DGKH: variants seen among roughly 807,000 people sequenced by gnomAD.
The protein encoded by DGKH is diacylglycerol kinase eta.
Under a neutral mutation model 159.3 loss-of-function variants are expected in DGKH, and 90 were observed. The observed-to-expected ratio is 0.57, with a 90% CI of 0.48 to 0.67. The LOEUF is 0.67. Among genes scored for constraint, DGKH ranks in the 30% least tolerant of loss-of-function variants. The probability of loss-of-function intolerance (pLI) is 0.00; values close to 1 mark genes in which losing one functional copy is unlikely to be tolerated. For synonymous variants in DGKH, 536 were observed against 553.8 expected, an observed-to-expected ratio of 0.97 and a Z score of 0.45; for missense variants, 1,181 against 1,506.1, an observed-to-expected ratio of 0.78 and a Z score of 3.57.
At chr13:42,170,116 A>G (rs1956409402) in intron 11 of DGKH, among the ~76,000 whole-genome samples, 1 of 152,242 alleles carries the variant, frequency 6.6e-6, no homozygotes, top group African/African-American at 2.4e-5. Flanking sequence ...GACTTCCCAG[A>G]CAACTGTCCA....
intron 1 of DGKH, among the ~76,000 whole-genome samples, chr13:42,041,466 A>T (rs1880501109): frequency 6.6e-6 from 1 of 152,242 alleles, no homozygotes; most frequent in African/African-American, 2.4e-5. Context: ...GGGACGAAGC[A>T]GAAAGCTGAC....
At chr13:42,198,677 T>C (rs1957270602) in intron 18 of DGKH, 82 bp downstream of exon 18, 4 of 1,195,590 alleles carry the variant, frequency 3.3e-6, no homozygotes, top group Non-Finnish European at 4.8e-6. Flanking sequence ...ACATTTTAAA[T>C]GTATTACAAT....
At chr13:42,201,795 C>T (rs778773741) in intron 20 of DGKH, among the ~76,000 whole-genome samples, 8 of 152,104 alleles carry the variant, frequency 5.3e-5, no homozygotes, top group African/African-American at 1.2e-4. Flanking sequence ...TGTGTTTCAT[C>T]GTTACCGTAT....
upstream of DGKH, among the ~76,000 whole-genome samples, chr13:42,047,761 A>G (rs1284984819): frequency 1.3e-5 from 2 of 151,812 alleles, no homozygotes; most frequent in Non-Finnish European, 2.9e-5. Context: ...AGGACTTCCA[A>G]GGCTTTTTGT....
intron 1 of DGKH, among the ~76,000 whole-genome samples, chr13:42,083,309 G>A (rs1046567005): frequency 3.3e-5 from 5 of 152,144 alleles, no homozygotes; most frequent in African/African-American, 1.2e-4. Context: ...ATCCAGAGGG[G>A]TGGTGATGCG....
At chr13:42,045,791 T>A (rs1880764099), upstream of DGKH, among the ~76,000 whole-genome samples, 2 of 152,354 alleles carry the variant, frequency 1.3e-5, no homozygotes, top group South Asian at 4.1e-4. Flanking sequence ...TGGCGTAATA[T>A]TTAAGATAAA....
chr13:42,052,010 G>A (rs1183448036), intron 1 of DGKH, among the ~76,000 whole-genome samples: 1 of 152,122 alleles, frequency 6.6e-6, no homozygotes, highest in Non-Finnish European at 1.5e-5. Context: ...CATCTATCCT[G>A]CTTTGTCAGT....
intron 1 of DGKH, among the ~76,000 whole-genome samples, chr13:42,108,120 T>G (rs1594037550): frequency 6.6e-6 from 1 of 152,034 alleles, no homozygotes; most frequent in Admixed American, 6.6e-5. Flanking sequence ...CAGGTGGTGG[T>G]TCTGGCCCTG....
At chr13:42,103,925 T>A (rs529442343) in intron 1 of DGKH, among the ~76,000 whole-genome samples, 1 of 152,160 alleles carries the variant, frequency 6.6e-6, no homozygotes, top group South Asian at 2.1e-4. Flanking sequence ...CAAAAATGAG[T>A]GATTACGGAT....
At chr13:42,229,024 A>G in intron 29 of DGKH, 75 bp from the exon 30 acceptor site, 1 of 1,321,648 alleles carries the variant, frequency 7.6e-7, no homozygotes, top group Non-Finnish European at 1.0e-6. Flanking sequence ...CTTTTCTTTC[A>G]TTTTTAAAAT....
In DGKH at chr13:42,222,921, A is replaced by T. The variant is rs956495979; in HGVS notation, c.3573+1527A>T. Among the ~76,000 whole-genome samples the T allele has an allele frequency of 1.7e-4, 26 of 152,362 alleles. 1 individual carries two copies. The highest frequency in any genetic ancestry group is 5.8e-4 in the African/African-American group (24 of 41,588). ...AGAATGGAAAAACATACACTAAGGC[A>T]AAGTTAGAAAAGAATAGAAAGAAGA... On this transcript the variant is annotated intron_variant, in intron 29 of 29. Transcript: ENST00000337343.
intron 26 of DGKH, among the ~76,000 whole-genome samples, chr13:42,218,800 T>C (rs1352910157): frequency 6.6e-6 from 1 of 152,152 alleles, no homozygotes; most frequent in Admixed American, 6.6e-5. Flanking sequence ...TGAGCTATCA[T>C]GCCCAGCCTG....
intron 23 of DGKH, among the ~76,000 whole-genome samples, chr13:42,209,876 A>G (rs2138199902): frequency 6.6e-6 from 1 of 152,286 alleles, no homozygotes; most frequent in East Asian, 1.9e-4. Flanking sequence ...GGACAAAGAT[A>G]TAATCACTTG....
At position 42,186,013 on chromosome 13, in the gene DGKH, GTGTGT is replaced by G. The variant is rs1403652371; in HGVS notation, c.1539-1035_1539-1031del. ...GGGGAGGAGTGGTGGTGGTGGTGGT[GTGTGT>G]GTGTGTGTGTGTGTGTGTGTGTGTG... On this transcript the variant is annotated intron_variant, in intron 13 of 29. Transcript: ENST00000337343. Among the ~76,000 whole-genome samples, 210 of 50,172 alleles carry G rather than the reference GTGTGT, an allele frequency of 4.2e-3. 1 individual carries two copies. The Middle Eastern group carries it at 0.087, about 21-fold the overall frequency. 32.9% of individuals were successfully genotyped at this position (50,172 alleles called of 152,430 possible).
intron 1 of DGKH, among the ~76,000 whole-genome samples, chr13:42,098,495 A>AAT (rs1566100347): frequency 2.0e-5 from 3 of 152,072 alleles, no homozygotes; most frequent in African/African-American, 4.8e-5. Flanking sequence ...TCAAAAAAAA[A>AAT]AAATAAATTA....
chr13:42,215,405 T>C (rs1957764589), intron 25 of DGKH, among the ~76,000 whole-genome samples, 170 bp from the exon 26 acceptor site: 1 of 152,168 alleles, frequency 6.6e-6, no homozygotes, highest in Non-Finnish European at 1.5e-5. Flanking sequence ...AATATAATAA[T>C]AATGAGATAG....
intron 20 of DGKH, among the ~76,000 whole-genome samples, chr13:42,201,192 C>T (rs1957339519): frequency 6.6e-6 from 1 of 152,076 alleles, no homozygotes; most frequent in South Asian, 2.1e-4. Context: ...GGGGTTTCAC[C>T]ATGTTGGCCA....
At chr13:42,097,364 C>T (rs994192267) in intron 1 of DGKH, among the ~76,000 whole-genome samples, 2 of 152,176 alleles carry the variant, frequency 1.3e-5, no homozygotes, top group Non-Finnish European at 2.9e-5. Context: ...CAAGAGAACA[C>T]GAATACCCTT....
chr13:42,232,852 G>C lies in DGKH; in HGVS notation c.*3664G>C, dbSNP rs1433288280. 3 of 152,180 alleles carry C rather than the reference G, an allele frequency of 2.0e-5. No individual in the cohort carries two copies. Among genetic ancestry groups the C allele is most frequent in the Non-Finnish European group, 4.4e-5 (3 of 68,052 alleles). The allele number at this position is 152,180 out of a possible 1,614,324, so 9.4% of individuals were successfully genotyped here. ...ATTTAAATGTAATTTAATTAAGCCA[G>C]GCATAATGGCACAAGCCTGTAATTC... On this transcript the variant is annotated 3_prime_UTR_variant, in exon 30 of 30. Coordinates refer to ENST00000337343, the MANE Select transcript of DGKH (RefSeq NM_178009.5).
Sources: gnomAD v4.1 joint callset for allele counts (sites outside exome capture counted in the v4.1 genomes callset) on GRCh38, gnomAD v4.1.1 for gene constraint, MANE v1.5 for transcripts, NCBI Gene and HGNC (gene_info 2026-07-23, HGNC 2026-07-21) for gene names.